EPB41L3: variants seen among roughly 807,000 people sequenced by gnomAD.
EPB41L3 encodes band 4.1-like protein 3.
Under a neutral mutation model 127.1 loss-of-function variants are expected in EPB41L3, and 57 were observed. That is an observed-to-expected ratio of 0.45 (90% CI 0.36 to 0.56). The LOEUF is 0.56. Among genes scored for constraint, EPB41L3 ranks in the 20% least tolerant of loss-of-function variants. The pLI, the probability that EPB41L3 is intolerant of heterozygous loss-of-function variation, is 0.00. For synonymous variants in EPB41L3, 572 were observed against 549.5 expected (o/e 1.04, Z -0.57); for missense variants, 1,273 against 1,372.2 (o/e 0.93, Z 1.14).
chr18:5,602,860 G>A (rs977208383), intron 3 of EPB41L3, among the ~76,000 whole-genome samples: 2 of 152,200 alleles, frequency 1.3e-5, no homozygotes, highest in South Asian at 2.1e-4. Context: ...GGTTGATAAG[G>A]AAAGCTACAG....
chr18:5,484,086 CAAAAAAAAAAAAAAAAAA>C (rs57231548), intron 2 of EPB41L3, among the ~76,000 whole-genome samples: 20 of 18,278 alleles, frequency 1.1e-3, no homozygotes, highest in East Asian at 5.6e-3. Context: ...CAAACAAACT[CAAAAAAAAAAAAAAAAAA>C]AAAAAAAAAA....
At chr18:5,546,397 G>C (rs2093882284), upstream of EPB41L3, among the ~76,000 whole-genome samples, 2 of 152,032 alleles carry the variant, frequency 1.3e-5, no homozygotes, top group African/African-American at 4.8e-5. Flanking sequence ...TGGGCATAGT[G>C]GTGGGCGCCT....
intron 3 of EPB41L3, among the ~76,000 whole-genome samples, chr18:5,555,582 ACT>A (rs149751142): frequency 1.4e-4 from 21 of 151,692 alleles, no homozygotes; most frequent in Admixed American, 1.2e-3. Flanking sequence ...TGGACACCTT[ACT>A]CTCTCTCCCA....
At chr18:5,529,733 C>T (rs2093350057) in intron 1 of EPB41L3, among the ~76,000 whole-genome samples, 1 of 152,196 alleles carries the variant, frequency 6.6e-6, no homozygotes, top group African/African-American at 2.4e-5. Flanking sequence ...TCTGCCCTCT[C>T]TCTAGTGACC....
intron 3 of EPB41L3, among the ~76,000 whole-genome samples, chr18:5,559,895 T>C (rs1273109497): frequency 1.3e-5 from 2 of 152,246 alleles, no homozygotes; most frequent in East Asian, 3.8e-4. Context: ...ACCATACCTA[T>C]ACTATGACCT....
At chr18:5,535,036 C>T (rs1389685682) in intron 1 of EPB41L3, among the ~76,000 whole-genome samples, 10 of 152,060 alleles carry the variant, frequency 6.6e-5, no homozygotes, top group African/African-American at 2.4e-5. Context: ...ACCTGATCTC[C>T]GCCTCCTGTC....
chr18:5,485,563 CA>C (rs1464116402), intron 2 of EPB41L3, among the ~76,000 whole-genome samples: 4 of 151,848 alleles, frequency 2.6e-5, no homozygotes, highest in Non-Finnish European at 4.4e-5. Context: ...TAGTCTTGTT[CA>C]CAGAAGACAT....
intron 3 of EPB41L3, among the ~76,000 whole-genome samples, chr18:5,472,071 T>C (rs1197888890): frequency 2.0e-5 from 3 of 152,146 alleles, no homozygotes; most frequent in African/African-American, 7.2e-5. Flanking sequence ...AATATTTATA[T>C]TGTTTAGAAT....
intron 3 of EPB41L3, among the ~76,000 whole-genome samples, chr18:5,569,860 T>G (rs781239844): frequency 6.6e-6 from 1 of 152,238 alleles, no homozygotes; most frequent in Non-Finnish European, 1.5e-5. Flanking sequence ...TGAACTTTGC[T>G]TGGAGCTGAA....
At chr18:5,438,161 T>G in intron 5 of EPB41L3, 51 bp from the exon 6 acceptor site, 1 of 1,557,552 alleles carries the variant, frequency 6.4e-7, no homozygotes, top group Non-Finnish European at 8.8e-7. Flanking sequence ...TTCTTATGAC[T>G]CTAATCGATG....
intron 1 of EPB41L3, among the ~76,000 whole-genome samples, chr18:5,505,350 C>T (rs1050336344): frequency 6.6e-6 from 1 of 152,110 alleles, no homozygotes; most frequent in South Asian, 2.1e-4. Context: ...CATGGTCCTT[C>T]AGCAAATCCT....
intron 11 of EPB41L3, among the ~76,000 whole-genome samples, chr18:5,422,220 A>T (rs2077563846): frequency 6.6e-6 from 1 of 152,160 alleles, no homozygotes; most frequent in Non-Finnish European, 1.5e-5. Flanking sequence ...ACAAGAGTAC[A>T]GTTTCCACCT....
At chr18:5,481,640 A>G (rs1043926719) in intron 2 of EPB41L3, among the ~76,000 whole-genome samples, 1 of 152,176 alleles carries the variant, frequency 6.6e-6, no homozygotes, top group African/African-American at 2.4e-5. Flanking sequence ...CCACCACCCC[A>G]GTCCTGGACA....
intron 3 of EPB41L3, among the ~76,000 whole-genome samples, chr18:5,567,647 A>AG: frequency 6.6e-6 from 1 of 152,106 alleles, no homozygotes; most frequent in African/African-American, 2.4e-5. Flanking sequence ...GAAGGAAGGA[A>AG]GAAAGGAAGG....
chr18:5,597,846 C>T (rs992772263), intron 3 of EPB41L3, among the ~76,000 whole-genome samples: 1 of 152,250 alleles, frequency 6.6e-6, no homozygotes, highest in East Asian at 1.9e-4. Context: ...CTGGAAGCTG[C>T]TCTTCACACC....
chr18:5,472,671 T>C (rs1239196292), intron 3 of EPB41L3, among the ~76,000 whole-genome samples: 1 of 152,166 alleles, frequency 6.6e-6, no homozygotes, highest in Non-Finnish European at 1.5e-5. Flanking sequence ...GGCAATTCTA[T>C]TTGCTCTCTG....
intron 3 of EPB41L3, among the ~76,000 whole-genome samples, chr18:5,549,692 G>A (rs927603555): frequency 6.6e-6 from 1 of 152,144 alleles, no homozygotes; most frequent in Non-Finnish European, 1.5e-5. Context: ...GCTCTGGGGT[G>A]GGGTCCAGGG....
At chr18:5,553,662 C>T (rs1453135624) in intron 3 of EPB41L3, among the ~76,000 whole-genome samples, 1 of 152,228 alleles carries the variant, frequency 6.6e-6, no homozygotes, top group Non-Finnish European at 1.5e-5. Context: ...GCTCTACCTT[C>T]AGGACATACC....
chr18:5,423,476 G>T lies in EPB41L3; in HGVS notation c.1241C>A (p.Ala414Glu). The T allele has an allele frequency of 6.2e-7, 1 of 1,613,932 alleles. No individual in the cohort carries two copies. The highest frequency in any genetic ancestry group is 8.5e-7 in the Non-Finnish European group (1 of 1,179,906). Residue 414 changes from alanine (A) to glutamate (E), a missense_variant, in exon 11 of 23, where the codon GCG becomes GAG. Coordinates refer to ENST00000341928, the MANE Select transcript of EPB41L3 (RefSeq NM_012307.5). Reference protein sequence around the residue: ...SKFRYSGRTQAQTRRASALID... With the variant: ...SKFRYSGRTQEQTRRASALID... ...CAACGCACTGGCTCTTCTCGTTTGC[G>T]CTTGTGTCCTGCCACTATAACGAAA... is the stretch of plus-strand genomic sequence containing the variant.
Sources: gnomAD v4.1 joint callset for allele counts (sites outside exome capture counted in the v4.1 genomes callset) on GRCh38, gnomAD v4.1.1 for gene constraint, MANE v1.5 for transcripts, NCBI Gene and HGNC (gene_info 2026-07-23, HGNC 2026-07-21) for gene names.